Variants in RBFOX1 observed in about 807,000 individuals in gnomAD.
RBFOX1 encodes RNA binding protein fox-1 homolog 1.
RBFOX1 carries 8 observed loss-of-function variants against 57.7 expected under a neutral mutation model. The observed-to-expected ratio is 0.14, with a 90% CI of 0.08 to 0.25. RBFOX1 has a LOEUF of 0.25. Among genes scored for constraint, RBFOX1 ranks in the 10% least tolerant of loss-of-function variants. RBFOX1 has a pLI of 1.00. For synonymous variants in RBFOX1, 326 were observed against 222.4 expected, an observed-to-expected ratio of 1.47 and a Z score of -4.15; for missense variants, 611 against 548.5, an observed-to-expected ratio of 1.11 and a Z score of -1.14.
At chr16:6,016,556 C>T (rs567620212), upstream of RBFOX1, among the ~76,000 whole-genome samples, 3 of 152,300 alleles carry the variant, frequency 2.0e-5, no homozygotes, top group African/African-American at 7.2e-5. Flanking sequence ...ATGAAATTTA[C>T]ACTTTAGAGA....
At chr16:6,697,019 A>G (rs1398136684) in intron 3 of RBFOX1, among the ~76,000 whole-genome samples, 2 of 152,202 alleles carry the variant, frequency 1.3e-5, no homozygotes, top group East Asian at 1.9e-4. Flanking sequence ...TCCATAAAGA[A>G]AAGCTTAGAC....
At chr16:6,739,337 C>G (rs2071360416) in intron 3 of RBFOX1, among the ~76,000 whole-genome samples, 1 of 152,040 alleles carries the variant, frequency 6.6e-6, no homozygotes, top group African/African-American at 2.4e-5. Flanking sequence ...AGAGAGTACT[C>G]TGAACAGCTC....
chr16:6,146,429 C>A (rs2096758739), intron 1 of RBFOX1, among the ~76,000 whole-genome samples: 1 of 152,108 alleles, frequency 6.6e-6, no homozygotes, highest in Non-Finnish European at 1.5e-5. Context: ...AGATGATTTT[C>A]ACTGTGGGAG....
chr16:7,041,613 C>T (rs1400574546), intron 3 of RBFOX1, among the ~76,000 whole-genome samples: 1 of 152,126 alleles, frequency 6.6e-6, no homozygotes, highest in African/African-American at 2.4e-5. Flanking sequence ...CAGCTGCCCC[C>T]TCGAAACAGT....
intron 4 of RBFOX1, among the ~76,000 whole-genome samples, chr16:7,109,041 A>C (rs940130709): frequency 2.6e-5 from 4 of 152,176 alleles, no homozygotes; most frequent in African/African-American, 7.2e-5. Flanking sequence ...AGCATAGGAA[A>C]ATACAAGACA....
intron 2 of RBFOX1, among the ~76,000 whole-genome samples, chr16:6,521,232 A>C (rs1349590771): frequency 1.3e-5 from 2 of 152,162 alleles, no homozygotes. Flanking sequence ...AGGGAAGCCT[A>C]GGCTGTGCTA....
intron 3 of RBFOX1, among the ~76,000 whole-genome samples, chr16:5,824,006 T>C (rs1026830294): frequency 2.6e-5 from 4 of 152,032 alleles, no homozygotes; most frequent in Admixed American, 2.6e-4. Context: ...TGATCTATGG[T>C]ATAAGAGTTA....
At chr16:6,845,439 C>T (rs1279652851) in intron 3 of RBFOX1, among the ~76,000 whole-genome samples, 6 of 152,026 alleles carry the variant, frequency 3.9e-5, no homozygotes, top group Admixed American at 6.6e-5. Context: ...AATAGAGAAT[C>T]CTTTCCCCAT....
At chr16:6,503,882 A>G (rs2096013188) in intron 2 of RBFOX1, among the ~76,000 whole-genome samples, 1 of 152,194 alleles carries the variant, frequency 6.6e-6, no homozygotes, top group Admixed American at 6.5e-5. Context: ...AAGGCAAGCC[A>G]TGCACTGAAG....
At chr16:6,837,105 C>G (rs1286258136) in intron 3 of RBFOX1, among the ~76,000 whole-genome samples, 2 of 152,200 alleles carry the variant, frequency 1.3e-5, no homozygotes, top group Non-Finnish European at 2.9e-5. Context: ...CAGAGCAGTA[C>G]TGAGAGTTCC....
intron 4 of RBFOX1, among the ~76,000 whole-genome samples, chr16:7,114,413 C>T (rs1418785776): frequency 6.6e-6 from 1 of 152,028 alleles, no homozygotes; most frequent in African/African-American, 2.4e-5. Flanking sequence ...CTCACTGTAC[C>T]CTTTAATAAA....
chr16:6,325,498 T>C (rs1309270068), intron 2 of RBFOX1, among the ~76,000 whole-genome samples: 1 of 152,222 alleles, frequency 6.6e-6, no homozygotes. Flanking sequence ...AAAACAGTAA[T>C]GATATTTCTG....
At chr16:7,185,435 T>C (rs2083523166) in intron 4 of RBFOX1, among the ~76,000 whole-genome samples, 1 of 152,212 alleles carries the variant, frequency 6.6e-6, no homozygotes, top group African/African-American at 2.4e-5. Flanking sequence ...GCCATGGTTT[T>C]GTCTGCAAAT....
At chr16:5,950,500 C>T (rs1046026534) in intron 4 of RBFOX1, among the ~76,000 whole-genome samples, 1 of 152,110 alleles carries the variant, frequency 6.6e-6, no homozygotes, top group Admixed American at 6.6e-5. Context: ...GAAAATGAGC[C>T]CTCTCCCTCC....
intron 3 of RBFOX1, among the ~76,000 whole-genome samples, chr16:5,609,270 T>A (rs1268809407): frequency 6.6e-6 from 1 of 152,232 alleles, no homozygotes; most frequent in East Asian, 1.9e-4. Context: ...TATCTCATTT[T>A]ACAGAAAGGA....
chr16:7,289,236 G>A (rs2095711515), intron 4 of RBFOX1, among the ~76,000 whole-genome samples: 1 of 152,160 alleles, frequency 6.6e-6, no homozygotes, highest in Non-Finnish European at 1.5e-5. Context: ...AAGCAAGATT[G>A]GAAGTAGCAA....
At chr16:6,590,576 A>G (rs1203062654) in intron 2 of RBFOX1, among the ~76,000 whole-genome samples, 1 of 152,206 alleles carries the variant, frequency 6.6e-6, no homozygotes, top group Non-Finnish European at 1.5e-5. Flanking sequence ...AGAGTTCTAC[A>G]GGATTATTTC....
intron 4 of RBFOX1, among the ~76,000 whole-genome samples, chr16:7,339,173 T>C (rs1218752176): frequency 2.0e-5 from 3 of 152,186 alleles, no homozygotes; most frequent in Admixed American, 2.0e-4. Flanking sequence ...CTCAGTTTTC[T>C]AGGCTGCAAA....
intron 1 of RBFOX1, among the ~76,000 whole-genome samples, chr16:6,277,751 C>T (rs1340712794): frequency 2.0e-5 from 3 of 151,954 alleles, no homozygotes; most frequent in Admixed American, 6.6e-5. Context: ...TGCTGGTTTC[C>T]CCTACATTTA....
Sources: gnomAD v4.1 joint callset for allele counts (sites outside exome capture counted in the v4.1 genomes callset) on GRCh38, gnomAD v4.1.1 for gene constraint, MANE v1.5 for transcripts, NCBI Gene and HGNC (gene_info 2026-07-23, HGNC 2026-07-21) for gene names.